Variants in NTN1 observed in about 807,000 individuals in gnomAD.
NTN1 encodes netrin-1.
A neutral mutation model predicts 54.2 loss-of-function variants in NTN1; 11 were observed. The observed-to-expected ratio is 0.20, with a 90% CI of 0.13 to 0.34. NTN1 has a LOEUF of 0.34. Ranked by LOEUF, NTN1 falls within the 10% of genes least tolerant of loss-of-function variation. The pLI, the probability that NTN1 is intolerant of heterozygous loss-of-function variation, is 1.00. For missense variants in NTN1, 740 were observed against 893.1 expected, an observed-to-expected ratio of 0.83 and a Z score of 2.18; for synonymous variants, 371 against 382.0, an observed-to-expected ratio of 0.97 and a Z score of 0.33.
intron 2 of NTN1, among the ~76,000 whole-genome samples, chr17:9,107,656 C>T (rs1231775326): frequency 3.3e-5 from 5 of 152,150 alleles, no homozygotes; most frequent in African/African-American, 7.2e-5. Flanking sequence ...GGGTGGTGGT[C>T]GGCAAACCAT....
At chr17:9,226,391 C>T (rs1271976876) in intron 6 of NTN1, among the ~76,000 whole-genome samples, 6 of 150,720 alleles carry the variant, frequency 4.0e-5, no homozygotes, top group Admixed American at 6.6e-5. Flanking sequence ...CAGCAGGCAC[C>T]GTGTCTAAGG....
At chr17:9,031,730 A>T (rs2095142786) in intron 2 of NTN1, among the ~76,000 whole-genome samples, 1 of 152,138 alleles carries the variant, frequency 6.6e-6, no homozygotes, top group African/African-American at 2.4e-5. Flanking sequence ...AGATTATTTG[A>T]GGTCGGGAGT....
chr17:9,081,568 C>T (rs1353973124), intron 2 of NTN1, among the ~76,000 whole-genome samples: 4 of 152,174 alleles, frequency 2.6e-5, no homozygotes, highest in Non-Finnish European at 5.9e-5. Context: ...CTGCCCCACC[C>T]GTCCACACAT....
chr17:9,004,751 C>T, the NTN1 span, among the ~76,000 whole-genome samples: 1 of 152,384 alleles, frequency 6.6e-6, no homozygotes, highest in East Asian at 1.9e-4. Context: ...CGTGTATCCA[C>T]CTCACCCGGC....
chr17:9,060,563 G>A (rs915507184), intron 2 of NTN1, among the ~76,000 whole-genome samples: 3 of 152,132 alleles, frequency 2.0e-5, no homozygotes, highest in Non-Finnish European at 2.9e-5. Context: ...AGTTGAGGAC[G>A]GCCATGGTAA....
chr17:9,184,103 C>T (rs1375472700), intron 5 of NTN1, among the ~76,000 whole-genome samples: 6 of 152,162 alleles, frequency 3.9e-5, no homozygotes, highest in African/African-American at 1.2e-4. Flanking sequence ...TTTTAGGATA[C>T]AGACTGGATT....
intron 5 of NTN1, among the ~76,000 whole-genome samples, chr17:9,201,039 A>AAT (rs1396024787): frequency 6.6e-6 from 1 of 152,132 alleles, no homozygotes; most frequent in East Asian, 1.9e-4. Context: ...GATGGCAGAT[A>AAT]ATAGAGGACG....
At chr17:9,053,934 G>A (rs142551725) in intron 2 of NTN1, among the ~76,000 whole-genome samples, 14 of 152,304 alleles carry the variant, frequency 9.2e-5, no homozygotes, top group South Asian at 6.2e-4. Context: ...GGTCAGGCAC[G>A]TAGTCCCCCT....
intron 5 of NTN1, among the ~76,000 whole-genome samples, chr17:9,196,706 C>T (rs983124955): frequency 6.6e-6 from 1 of 152,196 alleles, no homozygotes; most frequent in Non-Finnish European, 1.5e-5. Context: ...CAGTGCCTTC[C>T]TAGAGAAGAG....
chr17:9,150,195 C>G (rs1325541396), intron 2 of NTN1, among the ~76,000 whole-genome samples: 2 of 152,122 alleles, frequency 1.3e-5, no homozygotes, highest in Non-Finnish European at 2.9e-5. Context: ...AAGAGTGAAA[C>G]CCCATCTCAA....
intron 5 of NTN1, among the ~76,000 whole-genome samples, chr17:9,217,030 G>A (rs1905230305): frequency 1.3e-5 from 2 of 151,310 alleles, no homozygotes; most frequent in Non-Finnish European, 1.5e-5. Context: ...TGACAGACAG[G>A]GCATGACTCC....
chr17:9,158,761 C>T (rs1430388738), intron 2 of NTN1, among the ~76,000 whole-genome samples: 1 of 152,086 alleles, frequency 6.6e-6, no homozygotes, highest in African/African-American at 2.4e-5. Context: ...CAGTCGTCTG[C>T]AGGAGGGCAA....
intron 5 of NTN1, among the ~76,000 whole-genome samples, chr17:9,205,758 C>T (rs1330285971): frequency 1.3e-5 from 2 of 152,232 alleles, no homozygotes; most frequent in Non-Finnish European, 2.9e-5. Flanking sequence ...TGGAAGGCAG[C>T]TGTGTTAGGG....
intron 2 of NTN1, among the ~76,000 whole-genome samples, chr17:9,094,548 C>T (rs531756520): frequency 9.2e-4 from 140 of 152,094 alleles, no homozygotes; most frequent in African/African-American, 3.3e-3. Flanking sequence ...TCCTTTAAGT[C>T]TTCTATATGT....
At chr17:9,099,944 C>A (rs894719300) in intron 2 of NTN1, among the ~76,000 whole-genome samples, 2 of 151,996 alleles carry the variant, frequency 1.3e-5, no homozygotes, top group East Asian at 3.9e-4. Context: ...CACCTAGGAA[C>A]AATGATAATT....
At chr17:9,157,471 TG>T (rs1272201510) in intron 2 of NTN1, among the ~76,000 whole-genome samples, 1 of 152,182 alleles carries the variant, frequency 6.6e-6, no homozygotes, top group East Asian at 1.9e-4. Flanking sequence ...GCCACAGGCA[TG>T]TGTTGAAATA....
chr17:9,239,505 A>G lies in NTN1; in HGVS notation c.1487-135A>G. 1.3e-6 allele frequency: 1 copy of G among 777,164 alleles called. No individual in the cohort carries two copies. The highest frequency in any genetic ancestry group is 2.0e-6 in the Non-Finnish European group (1 of 492,084). The allele number at this position is 777,164 out of a possible 1,614,324, so 48.1% of individuals were successfully genotyped here. A position where few individuals can be genotyped will look rare whatever the true frequency, so the allele number is the denominator to read the frequency against. ...GTCTACGATCAGCTTGCCACCACCCACGCGCTCCTGTATGGGCCACTCTGT... is the reference window on the plus strand; with the variant it reads ...GTCTACGATCAGCTTGCCACCACCCGCGCGCTCCTGTATGGGCCACTCTGT... On this transcript the variant is annotated intron_variant, in intron 6 of 6. Coordinates refer to ENST00000173229, the MANE Select transcript of NTN1 (RefSeq NM_004822.3). The surrounding 1 kb of genome is among the most constrained non-coding windows in gnomAD (Gnocchi z 5.2).
chr17:9,082,562 C>T lies in NTN1; in HGVS notation c.1018+59171C>T, dbSNP rs183451605. On this transcript the variant is annotated intron_variant, in intron 2 of 6. Coordinates refer to ENST00000173229, the MANE Select transcript of NTN1 (RefSeq NM_004822.3). ...CACAACTGGCTGGTGAGGGCAGCTG[C>T]GCTCAGGCATGAGGCAGAGTGTGGG... Among the ~76,000 whole-genome samples, 11 of 152,282 alleles carry T rather than the reference C, an allele frequency of 7.2e-5. 1 individual carries two copies. The highest frequency in any genetic ancestry group is 2.1e-4 in the South Asian group (1 of 4,824).
chr17:9,137,751 G>A (rs1482017591), intron 2 of NTN1, among the ~76,000 whole-genome samples: 4 of 151,602 alleles, frequency 2.6e-5, no homozygotes, highest in South Asian at 2.1e-4. Context: ...CCGAGATCGC[G>A]CCACTGCACT....
Sources: allele counts gnomAD v4.1 joint callset (sites outside exome capture counted in the v4.1 genomes callset), GRCh38; gene constraint gnomAD v4.1.1; non-coding constraint Gnocchi (gnomAD v3.1); transcripts MANE v1.5; gene names NCBI Gene and HGNC (gene_info 2026-07-23, HGNC 2026-07-21).